Variants in CNTNAP2 observed in about 807,000 individuals in gnomAD.
CNTNAP2 encodes the protein contactin-associated protein-like 2.
CNTNAP2 carries 98 observed loss-of-function variants against 155.2 expected under a neutral mutation model. That is an observed-to-expected ratio of 0.63 (90% CI 0.54 to 0.75). CNTNAP2 has a LOEUF of 0.75. Among genes scored for constraint, CNTNAP2 ranks in the 30% least tolerant of loss-of-function variants. The pLI, the probability that CNTNAP2 is intolerant of heterozygous loss-of-function variation, is 0.00. For missense variants in CNTNAP2, 1,727 were observed against 1,688.1 expected, an observed-to-expected ratio of 1.02 and a Z score of -0.40; for synonymous variants, 651 against 631.2, an observed-to-expected ratio of 1.03 and a Z score of -0.47.
chr7:147,732,372 C>CT (rs754029797), intron 13 of CNTNAP2, among the ~76,000 whole-genome samples: 2 of 151,890 alleles, frequency 1.3e-5, no homozygotes, highest in Non-Finnish European at 2.9e-5. Flanking sequence ...TGAACTCATC[C>CT]TTTTTATGGC....
At chr7:148,129,614 CA>C (rs1303104678) in intron 16 of CNTNAP2, among the ~76,000 whole-genome samples, 2 of 152,122 alleles carry the variant, frequency 1.3e-5, no homozygotes, top group African/African-American at 4.8e-5. Context: ...TCTTGAATGA[CA>C]AAAAAGTTAA....
chr7:147,465,781 C>G (rs758842076), intron 10 of CNTNAP2, among the ~76,000 whole-genome samples: 22 of 152,162 alleles, frequency 1.4e-4, no homozygotes, highest in Non-Finnish European at 2.9e-4. Context: ...CTTAATTCAG[C>G]AAATCATATG....
intron 12 of CNTNAP2, among the ~76,000 whole-genome samples, chr7:147,586,531 A>G (rs111302942): frequency 9.3e-4 from 39 of 42,130 alleles, no homozygotes; most frequent in Middle Eastern, 7.8e-3. Flanking sequence ...AAGAGGAAGG[A>G]AGGAAGGAAG....
chr7:148,061,920 T>TAGATAGATAG (rs1474883930), intron 15 of CNTNAP2, among the ~76,000 whole-genome samples: 1 of 125,408 alleles, frequency 8.0e-6, no homozygotes, highest in Non-Finnish European at 1.7e-5. Flanking sequence ...GATAAACAGA[T>TAGATAGATAG]ATAGATAGAT....
chr7:148,224,034 C>T (rs1016531693), intron 19 of CNTNAP2, among the ~76,000 whole-genome samples: 1 of 150,448 alleles, frequency 6.6e-6, no homozygotes, highest in Non-Finnish European at 1.5e-5. Context: ...TATAAGTGGA[C>T]TCTACACTTG....
At chr7:147,127,379 TG>T (rs765789348) in intron 6 of CNTNAP2, among the ~76,000 whole-genome samples, 9 of 151,940 alleles carry the variant, frequency 5.9e-5, no homozygotes, top group Non-Finnish European at 7.4e-5. Flanking sequence ...ATGAGGCCTT[TG>T]TTTTTTTTTT....
At chr7:146,918,626 T>C (rs138416656) in intron 3 of CNTNAP2, among the ~76,000 whole-genome samples, 3 of 152,218 alleles carry the variant, frequency 2.0e-5, no homozygotes, top group African/African-American at 7.2e-5. Flanking sequence ...TTCCTTTATC[T>C]TGAATTTAGA....
intron 1 of CNTNAP2, among the ~76,000 whole-genome samples, chr7:146,385,954 G>A (rs1795453906): frequency 6.6e-6 from 1 of 152,026 alleles, no homozygotes; most frequent in South Asian, 2.1e-4. Flanking sequence ...ATTTTCATAA[G>A]CATATCACAT....
chr7:146,918,037 C>G (rs142665190), intron 3 of CNTNAP2, among the ~76,000 whole-genome samples: 2 of 151,966 alleles, frequency 1.3e-5, no homozygotes, highest in Non-Finnish European at 2.9e-5. Context: ...CATGAAATAC[C>G]TTTTTCCACC....
chr7:148,122,640 G>A (rs1034781808), intron 16 of CNTNAP2, among the ~76,000 whole-genome samples: 1 of 152,110 alleles, frequency 6.6e-6, no homozygotes, highest in African/African-American at 2.4e-5. Flanking sequence ...GCTATGGAGA[G>A]CCAGGGCGTA....
At position 148,103,221 on chromosome 7, in the gene CNTNAP2, T is replaced by A. The variant is rs565773015; in HGVS notation, c.2384-14897T>A. Among the ~76,000 whole-genome samples the A allele has an allele frequency of 4.8e-3, 704 of 145,432 alleles. 7 individuals carry two copies. The highest frequency in any genetic ancestry group is 0.017 in the African/African-American group (660 of 38,370). On this transcript the variant is annotated intron_variant, in intron 15 of 23. Coordinates refer to ENST00000361727, the MANE Select transcript of CNTNAP2 (RefSeq NM_014141.6). ...AGGTATGTAGCTTTTTTTTTTTTTT[T>A]ATCTTAGTAGCTATCGTTTTTAGGA...
At chr7:147,854,171 C>G (rs897549927) in intron 13 of CNTNAP2, among the ~76,000 whole-genome samples, 2 of 152,128 alleles carry the variant, frequency 1.3e-5, no homozygotes, top group Non-Finnish European at 2.9e-5. Context: ...AAATGTGCTT[C>G]CTCTTTCTGA....
chr7:147,826,767 A>G (rs934903957), intron 13 of CNTNAP2, among the ~76,000 whole-genome samples: 29 of 152,334 alleles, frequency 1.9e-4, no homozygotes, highest in African/African-American at 7.0e-4. Context: ...TATGTGTAAA[A>G]AATGCATTTC....
At chr7:146,566,380 G>C (rs1174304025) in intron 1 of CNTNAP2, among the ~76,000 whole-genome samples, 2 of 151,954 alleles carry the variant, frequency 1.3e-5, no homozygotes, top group Non-Finnish European at 2.9e-5. Context: ...TTTTTTCTTT[G>C]AAAATTATTT....
intron 11 of CNTNAP2, among the ~76,000 whole-genome samples, chr7:147,538,150 C>T (rs1172332205): frequency 1.3e-5 from 2 of 152,102 alleles, no homozygotes; most frequent in Admixed American, 6.6e-5. Context: ...AGAAACTAAA[C>T]GTTCATCGGT....
chr7:148,291,638 C>G (rs79095010), intron 21 of CNTNAP2, among the ~76,000 whole-genome samples: 8 of 152,148 alleles, frequency 5.3e-5, no homozygotes, highest in Non-Finnish European at 1.2e-4. Flanking sequence ...AACACCCTCA[C>G]AGATACACCC....
intron 1 of CNTNAP2, among the ~76,000 whole-genome samples, chr7:146,719,573 A>C (rs1203307078): frequency 2.6e-5 from 4 of 152,178 alleles, no homozygotes; most frequent in Non-Finnish European, 5.9e-5. Flanking sequence ...AGAACATTGG[A>C]GTTTTTTCCA....
intron 20 of CNTNAP2, among the ~76,000 whole-genome samples, chr7:148,231,966 G>A (rs1795970444): frequency 6.6e-6 from 1 of 152,188 alleles, no homozygotes; most frequent in South Asian, 2.1e-4. Flanking sequence ...GTGCTTCCTC[G>A]ATTCCGCCCT....
chr7:147,928,996 G>A (rs1463262541), intron 14 of CNTNAP2, among the ~76,000 whole-genome samples: 1 of 147,918 alleles, frequency 6.8e-6, no homozygotes, highest in African/African-American at 2.5e-5. Flanking sequence ...GGAGGCTGAG[G>A]CAGGAGAATC....
Sources: allele counts gnomAD v4.1 joint callset (sites outside exome capture counted in the v4.1 genomes callset), GRCh38; gene constraint gnomAD v4.1.1; transcripts MANE v1.5; gene names NCBI Gene and HGNC (gene_info 2026-07-23, HGNC 2026-07-21).